The following EIF4E variants were observed in gnomAD, a reference collection of about 807,000 sequenced individuals.
EIF4E encodes eIF-4F 25 kDa subunit.
For synonymous variants in EIF4E, 71 were observed against 88.5 expected, an observed-to-expected ratio of 0.80 and a Z score of 1.11; for missense variants, 113 against 265.6, an observed-to-expected ratio of 0.43 and a Z score of 3.99.
intron 2 of EIF4E, 173 bp from the exon 3 acceptor site, chr4:98,891,505 A>G: frequency 1.6e-6 from 1 of 632,000 alleles, no homozygotes. Flanking sequence ...GGAAATTCTA[A>G]CACTTCATAA....
At chr4:98,903,358 G>A (rs1724728055) in intron 1 of EIF4E, 2 of 415,480 alleles carry the variant, frequency 4.8e-6, no homozygotes, top group South Asian at 3.5e-5. Flanking sequence ...GAAAGAATAT[G>A]GGTTTTTTTT....
chr4:98,918,907 T>TAG (rs1408669419), intron 1 of EIF4E, among the ~76,000 whole-genome samples: 23 of 152,214 alleles, frequency 1.5e-4, no homozygotes, highest in Non-Finnish European at 4.4e-5. Flanking sequence ...TGGTTGCCTC[T>TAG]AGGTCATCTG....
At position 98,928,932 on chromosome 4, in the gene EIF4E, C is replaced by G. The variant is rs1300898347; in HGVS notation, c.18+163G>C. ...GCTACACGCCGCCTCGGCCATCCTC[C>G]GGGACGTCCCCACTTGTCCGCGGGA... On this transcript the variant is annotated intron_variant, in intron 1 of 6. Transcript: ENST00000450253. 3 of 1,575,318 alleles carry G rather than the reference C, an allele frequency of 1.9e-6. No homozygotes were observed. The South Asian group carries it at 3.5e-5, about 18-fold the overall frequency.
rs767631331 is a variant in EIF4E, at chr4:98,911,661, C to CAAAAAAA, written c.19-9686_19-9680dup. ...GGGCAACAAGAGCGAAACTCTGTCTCAAAAAAAAAAAAAAAAAAAAAAAAA... is the reference window on the plus strand; with the variant it reads ...GGGCAACAAGAGCGAAACTCTGTCTCAAAAAAAAAAAAAAAAAAAAAAAAAAAAAAAA... On this transcript the variant is annotated intron_variant, in intron 1 of 6. Coordinates refer to ENST00000450253, the MANE Select transcript of EIF4E (RefSeq NM_001968.5). Among the ~76,000 whole-genome samples, 31 of 60,042 alleles carry CAAAAAAA rather than the reference C, an allele frequency of 5.2e-4. 1 individual carries two copies. The highest frequency in any genetic ancestry group is 1.5e-3 in the African/African-American group (24 of 16,184). The allele number at this position is 60,042 out of a possible 152,430, so 39.4% of individuals were successfully genotyped here.
intron 1 of EIF4E, among the ~76,000 whole-genome samples, chr4:98,913,739 C>G (rs1208260549): frequency 6.6e-6 from 1 of 152,184 alleles, no homozygotes; most frequent in Non-Finnish European, 1.5e-5. Flanking sequence ...TGGAATACAA[C>G]CTTCTATTTA....
chr4:98,924,081 A>ATTT (rs368748064), intron 1 of EIF4E, among the ~76,000 whole-genome samples: 3 of 146,028 alleles, frequency 2.1e-5, no homozygotes, highest in Non-Finnish European at 3.0e-5. Context: ...TCTTTTGTTT[A>ATTT]TTTTTTTTTT....
At chr4:98,881,277 T>C in intron 6 of EIF4E, 135 bp from the exon 7 acceptor site, 2 of 1,430,182 alleles carry the variant, frequency 1.4e-6, no homozygotes, top group South Asian at 1.4e-5. Flanking sequence ...AAATTAATTA[T>C]ACACCCTTTT....
chr4:98,881,361 C>T (rs960540761), intron 6 of EIF4E, among the ~76,000 whole-genome samples: 2 of 151,954 alleles, frequency 1.3e-5, no homozygotes, highest in African/African-American at 4.8e-5. Flanking sequence ...GAGAGCGAGT[C>T]AGGTATGTTA....
Position 98,891,228 on chromosome 4 carries a change from G to T in EIF4E, c.221+9C>A, listed in dbSNP as rs771330129. 1 of 1,613,574 alleles carries T rather than the reference G, an allele frequency of 6.2e-7. No homozygotes were observed. The highest frequency in any genetic ancestry group is 1.1e-5 in the South Asian group (1 of 91,048). ...AACAACAAACATACTAAAACAAATG[G>T]TTACTTACGCCCAAAAGTCTTCAAC... is the stretch of plus-strand genomic sequence containing the variant. On this transcript the variant is annotated intron_variant, in intron 3 of 6. Coordinates refer to ENST00000450253, the MANE Select transcript of EIF4E (RefSeq NM_001968.5).
chr4:98,906,516 A>G (rs1378870860), intron 1 of EIF4E, among the ~76,000 whole-genome samples: 1 of 152,130 alleles, frequency 6.6e-6, no homozygotes, highest in Non-Finnish European at 1.5e-5. Context: ...ATTATATTAG[A>G]AATTTTTAAA....
intron 5 of EIF4E, chr4:98,886,312 T>C: frequency 1.1e-5 from 3 of 279,234 alleles, no homozygotes; most frequent in South Asian, 9.4e-5. Flanking sequence ...AAAATGCTTA[T>C]TATCTCATAT....
chr4:98,906,548 C>T (rs1724882385), intron 1 of EIF4E, among the ~76,000 whole-genome samples: 4 of 152,200 alleles, frequency 2.6e-5, no homozygotes, highest in Admixed American at 2.0e-4. Context: ...CATGGTGGCT[C>T]ATCCCTGTAA....
At chr4:98,885,376 T>A (rs1376235587) in intron 5 of EIF4E, among the ~76,000 whole-genome samples, 1 of 152,208 alleles carries the variant, frequency 6.6e-6, no homozygotes. Context: ...AATAGAATAA[T>A]AAAAATAGCT....
intron 2 of EIF4E, among the ~76,000 whole-genome samples, chr4:98,892,473 G>A (rs1724191483): frequency 6.6e-6 from 1 of 151,786 alleles, no homozygotes; most frequent in African/African-American, 2.4e-5. Context: ...GAGGTCAGGA[G>A]TTCGAGACCA....
chr4:98,888,892 G>A (rs1352540117), intron 3 of EIF4E, among the ~76,000 whole-genome samples: 1 of 152,152 alleles, frequency 6.6e-6, no homozygotes, highest in Non-Finnish European at 1.5e-5. Context: ...CGGGTGCAGT[G>A]GCTCACGCCT....
At chr4:98,885,159 T>C in intron 5 of EIF4E, 98 bp from the exon 6 acceptor site, 1 of 1,414,984 alleles carries the variant, frequency 7.1e-7, no homozygotes, top group Non-Finnish European at 9.7e-7. Context: ...AAAGGCAGTT[T>C]TTAAATCAAG....
intron 1 of EIF4E, among the ~76,000 whole-genome samples, chr4:98,914,972 C>T (rs1278643646): frequency 6.6e-6 from 1 of 152,152 alleles, no homozygotes; most frequent in African/African-American, 2.4e-5. Flanking sequence ...GAGACAGGGT[C>T]CCGCTCTGAT....
intron 1 of EIF4E, among the ~76,000 whole-genome samples, chr4:98,923,489 T>A (rs1207713943): frequency 6.6e-6 from 1 of 151,780 alleles, no homozygotes; most frequent in East Asian, 2.0e-4. Flanking sequence ...ATTTTTTAAT[T>A]TTTTGGAGAG....
At chr4:98,885,191 A>G (rs1162698228) in intron 5 of EIF4E, 130 bp from the exon 6 acceptor site, 2 of 1,103,664 alleles carry the variant, frequency 1.8e-6, no homozygotes, top group Non-Finnish European at 2.6e-6. Flanking sequence ...TAAATGTGTA[A>G]ATTTTATTTG....
Sources: gnomAD v4.1 joint callset for allele counts (sites outside exome capture counted in the v4.1 genomes callset) on GRCh38, gnomAD v4.1.1 for gene constraint, MANE v1.5 for transcripts, NCBI Gene and HGNC (gene_info 2026-07-23, HGNC 2026-07-21) for gene names.